The following FHIT variants were observed in gnomAD, a reference collection of about 807,000 sequenced individuals.
FHIT encodes fragile histidine triad diadenosine triphosphatase, also known as bis(5'-adenosyl)-triphosphatase.
A neutral mutation model predicts 17.9 loss-of-function variants in FHIT; 19 were observed. The ratio of observed to expected loss-of-function variants is 1.06; its 90% confidence interval spans 0.74 to 1.56. The LOEUF (loss-of-function observed/expected upper bound fraction) is 1.56. Ranked by LOEUF, FHIT falls within the 40% of genes most tolerant of loss-of-function variation. The pLI is 0.00. For synonymous variants in FHIT, 81 were observed against 69.7 expected (o/e 1.16, Z -0.81); for missense variants, 248 against 189.2 (o/e 1.31, Z -1.82).
intron 3 of FHIT, among the ~76,000 whole-genome samples, chr3:61,005,017 G>A (rs779333041): frequency 3.9e-5 from 6 of 152,140 alleles, no homozygotes; most frequent in Non-Finnish European, 7.4e-5. Flanking sequence ...AGCAGAGAGG[G>A]AGAAGAACCA....
intron 8 of FHIT, among the ~76,000 whole-genome samples, chr3:59,834,943 T>C (rs1701288642): frequency 1.3e-5 from 2 of 152,224 alleles, no homozygotes; most frequent in African/African-American, 2.4e-5. Flanking sequence ...TAGTTTTAAC[T>C]TACTTAATAT....
At chr3:60,380,530 A>G (rs959325070) in intron 5 of FHIT, among the ~76,000 whole-genome samples, 4 of 152,202 alleles carry the variant, frequency 2.6e-5, no homozygotes, top group Non-Finnish European at 5.9e-5. Flanking sequence ...CAGCGAGGAT[A>G]CTGAGACTCA....
Position 59,923,393 on chromosome 3 carries a change from A to G in FHIT, c.280-979T>C, listed in dbSNP as rs988563573. Among the ~76,000 whole-genome samples the G allele has an allele frequency of 2.6e-5, 4 of 152,136 alleles. No homozygotes were observed. In the East Asian group the frequency reaches 7.7e-4, roughly 29 times the overall value. ...TTTGGCTCCTGTGTTTCATTAGCAC[A>G]TGCACTGATTCTGCGAACTTAATCT... On this transcript the variant is annotated intron_variant, in intron 7 of 9. Coordinates refer to ENST00000492590, the MANE Select transcript of FHIT (RefSeq NM_002012.4).
At chr3:60,725,456 T>C (rs1273695131) in intron 4 of FHIT, among the ~76,000 whole-genome samples, 5 of 152,162 alleles carry the variant, frequency 3.3e-5, no homozygotes, top group African/African-American at 7.2e-5. Context: ...TTAAGGTAAT[T>C]TTTGTATACA....
chr3:59,919,389 TG>T (rs772627064), intron 8 of FHIT, among the ~76,000 whole-genome samples: 14 of 152,216 alleles, frequency 9.2e-5, no homozygotes, highest in Non-Finnish European at 1.5e-4. Context: ...ATCTGCCCTC[TG>T]GAGCCACATA....
At chr3:60,202,268 G>A (rs1003615082) in intron 5 of FHIT, among the ~76,000 whole-genome samples, 3 of 152,196 alleles carry the variant, frequency 2.0e-5, no homozygotes, top group Admixed American at 6.5e-5. Context: ...CAATGACCTA[G>A]TAGCACTCGT....
chr3:61,123,008 T>C (rs893086838), intron 2 of FHIT, among the ~76,000 whole-genome samples: 3 of 152,190 alleles, frequency 2.0e-5, no homozygotes, highest in African/African-American at 7.2e-5. Context: ...ACTGGGTATA[T>C]ACCCAAAGGA....
At chr3:60,793,597 CCAGA>C (rs782365262) in intron 4 of FHIT, among the ~76,000 whole-genome samples, 1 of 152,190 alleles carries the variant, frequency 6.6e-6, no homozygotes, top group Admixed American at 6.5e-5. Flanking sequence ...GCCATAGCGC[CCAGA>C]CAAACAAGCG....
intron 3 of FHIT, among the ~76,000 whole-genome samples, chr3:60,888,417 A>C (rs1488197955): frequency 1.3e-5 from 2 of 152,162 alleles, no homozygotes; most frequent in African/African-American, 2.4e-5. Context: ...ATTCCAATTC[A>C]AATTTCTTCT....
chr3:60,075,070 G>C (rs1315191642), intron 5 of FHIT, among the ~76,000 whole-genome samples: 1 of 152,042 alleles, frequency 6.6e-6, no homozygotes, highest in East Asian at 1.9e-4. Context: ...TCACCCTCTG[G>C]AATGACAAAA....
chr3:60,327,768 T>C (rs1449852409), intron 5 of FHIT, among the ~76,000 whole-genome samples: 1 of 152,192 alleles, frequency 6.6e-6, no homozygotes, highest in Non-Finnish European at 1.5e-5. Flanking sequence ...GTCTCTGCTG[T>C]CCTGACTAAA....
At chr3:61,120,271 T>C (rs1425387297) in intron 2 of FHIT, among the ~76,000 whole-genome samples, 1 of 152,238 alleles carries the variant, frequency 6.6e-6, no homozygotes, top group Admixed American at 6.5e-5. Flanking sequence ...TGTAAAACTC[T>C]TAGCATGTTG....
intron 7 of FHIT, among the ~76,000 whole-genome samples, chr3:59,980,511 T>G (rs1414111966): frequency 6.6e-6 from 1 of 152,160 alleles, no homozygotes; most frequent in Non-Finnish European, 1.5e-5. Flanking sequence ...ATGGGGTTTG[T>G]CTATATAAGA....
At chr3:59,775,384 TTGTA>T (rs1053902495) in intron 8 of FHIT, among the ~76,000 whole-genome samples, 3 of 152,166 alleles carry the variant, frequency 2.0e-5, no homozygotes, top group African/African-American at 7.2e-5. Flanking sequence ...GAAAATCTAG[TTGTA>T]AGTAATTTTC....
intron 8 of FHIT, among the ~76,000 whole-genome samples, chr3:59,815,778 G>A (rs866234665): frequency 8.6e-5 from 13 of 152,040 alleles, no homozygotes; most frequent in African/African-American, 2.9e-4. Flanking sequence ...ACTACACATC[G>A]GGTACAGTGT....
At chr3:60,333,734 C>G (rs571430460) in intron 5 of FHIT, among the ~76,000 whole-genome samples, 1 of 152,138 alleles carries the variant, frequency 6.6e-6, no homozygotes, top group South Asian at 2.1e-4. Flanking sequence ...ATTGATTCTC[C>G]CAGTCTTAAA....
chr3:59,771,775 C>G (rs1382708059), intron 8 of FHIT, among the ~76,000 whole-genome samples: 1 of 152,184 alleles, frequency 6.6e-6, no homozygotes, highest in Non-Finnish European at 1.5e-5. Flanking sequence ...AAAAATTTCA[C>G]AAATTACCTC....
chr3:59,905,502 G>A lies in FHIT; in HGVS notation c.348+16844C>T, dbSNP rs150347424. Among the ~76,000 whole-genome samples the A allele has an allele frequency of 6.4e-4, 97 of 152,284 alleles. 2 individuals carry two copies. Among genetic ancestry groups the A allele is most frequent in the Non-Finnish European group, 9.0e-4 (61 of 68,028 alleles). On this transcript the variant is annotated intron_variant, in intron 8 of 9. Coordinates refer to ENST00000492590, the MANE Select transcript of FHIT (RefSeq NM_002012.4). Reference sequence around the variant, plus strand: ...ATAAACCTAACCTAGTGCCTCTCACGTAGTAAGCCTTTTATAGGTGTGTGC... The same window carrying A: ...ATAAACCTAACCTAGTGCCTCTCACATAGTAAGCCTTTTATAGGTGTGTGC...
At chr3:60,613,512 AC>A (rs1253605786) in intron 4 of FHIT, among the ~76,000 whole-genome samples, 107 of 152,158 alleles carry the variant, frequency 7.0e-4, no homozygotes, top group African/African-American at 2.0e-3. Context: ...AATGAAGAGT[AC>A]CTTTTGCATG....
Sources: gnomAD v4.1 joint callset for allele counts (sites outside exome capture counted in the v4.1 genomes callset) on GRCh38, gnomAD v4.1.1 for gene constraint, MANE v1.5 for transcripts, NCBI Gene and HGNC (gene_info 2026-07-23, HGNC 2026-07-21) for gene names.